Variants in EXOSC7 observed in about 807,000 individuals in gnomAD.
The protein encoded by EXOSC7 is exosome complex component RRP42.
EXOSC7 carries 25 observed loss-of-function variants against 34.3 expected under a neutral mutation model. That is an observed-to-expected ratio of 0.73 (90% CI 0.53 to 1.02). The LOEUF (loss-of-function observed/expected upper bound fraction) is 1.02. Among genes scored for constraint, EXOSC7 ranks in the 50% least tolerant of loss-of-function variants. EXOSC7 has a pLI of 0.00. For missense variants in EXOSC7, 370 were observed against 368.5 expected (o/e 1.00, Z -0.03); for synonymous variants, 130 against 143.0 (o/e 0.91, Z 0.65).
At position 45,007,454 on chromosome 3, in the gene EXOSC7, A is replaced by C. The variant is rs941845719; in HGVS notation, c.650A>C (p.Gln217Pro). 6.2e-7 allele frequency: 1 copy of C among 1,614,160 alleles called. No individual in the cohort carries two copies. The highest frequency in any genetic ancestry group is 1.3e-5 in the African/African-American group (1 of 75,042). Reference sequence around the variant, plus strand: ...CGGCATGTGGTGGATGCTACTCTTCAGGAGGAGGCCTGCTCGCTGGCCAGC... The same window carrying C: ...CGGCATGTGGTGGATGCTACTCTTCCGGAGGAGGCCTGCTCGCTGGCCAGC... Reference protein sequence around the residue: ...GYRHVVDATLQEEACSLASLL... With the variant: ...GYRHVVDATLPEEACSLASLL... The change falls in exon 7 of 8, where the codon CAG becomes CCG. Residue 217 changes from glutamine (Q) to proline (P), a missense_variant. This residue lies in a region of EXOSC7 where 255 missense variants were observed against 246.4 expected (regional missense o/e 1.03). Coordinates refer to ENST00000265564, the MANE Select transcript of EXOSC7 (RefSeq NM_015004.4).
intron 1 of EXOSC7, among the ~76,000 whole-genome samples, chr3:44,978,992 C>T (rs1245845379): frequency 6.6e-6 from 1 of 152,216 alleles, no homozygotes; most frequent in Admixed American, 6.5e-5. Context: ...TTAAATTAAA[C>T]CTCCCTCTCA....
intron 4 of EXOSC7, among the ~76,000 whole-genome samples, 191 bp from the exon 5 acceptor site, chr3:45,001,347 G>T (rs1300513173): frequency 6.6e-6 from 1 of 151,912 alleles, no homozygotes; most frequent in Non-Finnish European, 1.5e-5. Context: ...GGAGGCTGAG[G>T]TGGGAGAATT....
intron 1 of EXOSC7, among the ~76,000 whole-genome samples, chr3:44,982,119 C>A (rs559694480): frequency 6.6e-6 from 1 of 152,300 alleles, no homozygotes; most frequent in East Asian, 1.9e-4. Context: ...TGCCCAATAC[C>A]TTTACTTTCG....
intron 1 of EXOSC7, among the ~76,000 whole-genome samples, chr3:44,986,010 G>C (rs1182885722): frequency 1.3e-5 from 2 of 152,148 alleles, no homozygotes; most frequent in African/African-American, 2.4e-5. Flanking sequence ...TAGACATAGA[G>C]GTTCTCCAAG....
chr3:44,980,660 A>C (rs1706247270), intron 1 of EXOSC7, among the ~76,000 whole-genome samples: 2 of 152,072 alleles, frequency 1.3e-5, no homozygotes, highest in African/African-American at 4.8e-5. Context: ...TGCTTCCTCT[A>C]CCTCCTTTTC....
intron 1 of EXOSC7, among the ~76,000 whole-genome samples, chr3:44,978,417 C>A (rs1282881570): frequency 6.6e-6 from 1 of 152,176 alleles, no homozygotes; most frequent in Non-Finnish European, 1.5e-5. Flanking sequence ...TCTGTATCTT[C>A]AGGACTCAGT....
At chr3:44,994,639 C>G (rs978840762) in intron 3 of EXOSC7, among the ~76,000 whole-genome samples, 4 of 152,098 alleles carry the variant, frequency 2.6e-5, no homozygotes, top group Non-Finnish European at 5.9e-5. Context: ...CAGCCTTTGT[C>G]TTCACACATC....
rs146284876 is a variant in EXOSC7 at position 44,982,096 on chromosome 3, T to A, written c.57+5762T>A. On this transcript the variant is annotated intron_variant, in intron 1 of 7. Transcript: ENST00000265564. Reference sequence around the variant, plus strand: ...CTTGCTGTCCAGCTTCCCTTCTTTGTAGAATCTGCCTCTGCCCAATACCTT... The same window carrying A: ...CTTGCTGTCCAGCTTCCCTTCTTTGAAGAATCTGCCTCTGCCCAATACCTT... Among the ~76,000 whole-genome samples, 17 of 152,312 alleles carry A rather than the reference T, an allele frequency of 1.1e-4. No individual in the cohort carries two copies. The East Asian group carries it at 3.1e-3, about 28-fold the overall frequency.
chr3:44,998,898 A>G (rs965897499), intron 4 of EXOSC7, among the ~76,000 whole-genome samples: 1 of 152,194 alleles, frequency 6.6e-6, no homozygotes, highest in African/African-American at 2.4e-5. Flanking sequence ...GGCAGGCTTC[A>G]TAGTTGCCCA....
intron 4 of EXOSC7, 105 bp downstream of exon 4, chr3:44,997,357 A>G (rs1462497678): frequency 4.8e-6 from 5 of 1,046,116 alleles, no homozygotes; most frequent in Non-Finnish European, 5.5e-6. Context: ...GATGCTTTCA[A>G]CTTATAGGGT....
intron 1 of EXOSC7, among the ~76,000 whole-genome samples, chr3:44,979,806 A>T (rs1706228300): frequency 6.6e-6 from 1 of 152,200 alleles, no homozygotes; most frequent in African/African-American, 2.4e-5. Flanking sequence ...AGGCTCAAAC[A>T]TGGCCACTAG....
At chr3:44,981,071 A>G (rs1482081731) in intron 1 of EXOSC7, among the ~76,000 whole-genome samples, 5 of 152,140 alleles carry the variant, frequency 3.3e-5, no homozygotes, top group Admixed American at 1.3e-4. Context: ...CTCACCTACA[A>G]AATACAGATT....
At chr3:44,981,373 T>G (rs1042864484) in intron 1 of EXOSC7, among the ~76,000 whole-genome samples, 3 of 152,188 alleles carry the variant, frequency 2.0e-5, no homozygotes, top group Non-Finnish European at 4.4e-5. Flanking sequence ...TGGGGACTTA[T>G]GCACCTGGAA....
chr3:45,006,068 CTTTTTTT>C (rs34869939), intron 6 of EXOSC7, among the ~76,000 whole-genome samples: 737 of 47,218 alleles, frequency 0.016, 4 homozygotes, highest in South Asian at 0.022. Flanking sequence ...TGGGTCTTGG[CTTTTTTT>C]TTTTTTTTTT....
At chr3:44,980,695 T>C (rs1398908065) in intron 1 of EXOSC7, among the ~76,000 whole-genome samples, 1 of 152,224 alleles carries the variant, frequency 6.6e-6, no homozygotes, top group East Asian at 1.9e-4. Flanking sequence ...TAAAAGCTTG[T>C]GGGGAAACTG....
chr3:45,010,978 C>G (rs1203051163), intron 7 of EXOSC7, among the ~76,000 whole-genome samples: 1 of 152,126 alleles, frequency 6.6e-6, no homozygotes, highest in Admixed American at 6.5e-5. Flanking sequence ...CTTTGCTGCT[C>G]TCTGTTTGTT....
chr3:45,003,726 C>G lies in EXOSC7; in HGVS notation c.492-1565C>G, dbSNP rs565887695. 3.9e-5 allele frequency among the ~76,000 whole-genome samples: 6 copies of G among 152,308 alleles called. No individual in the cohort carries two copies. In the South Asian group the frequency reaches 1.2e-3, roughly 32 times the overall value. On this transcript the variant is annotated intron_variant, in intron 5 of 7. Transcript: ENST00000265564. ...CTGAAGAAACAGAATGTTGCCAGCA[C>G]CCCAGAAGCATCCCACACCTTCTGT...
downstream of EXOSC7, chr3:45,011,496 C>T: frequency 1.9e-6 from 1 of 534,108 alleles, no homozygotes; most frequent in Non-Finnish European, 3.3e-6. Context: ...TAGAGTTCTT[C>T]AGTTGAAGCC....
intron 5 of EXOSC7, among the ~76,000 whole-genome samples, chr3:45,002,959 C>T (rs1706921158): frequency 6.6e-6 from 1 of 152,208 alleles, no homozygotes. Flanking sequence ...TCTTGAGCCT[C>T]AGAAATGACT....
Sources: gnomAD v4.1 joint callset for allele counts (sites outside exome capture counted in the v4.1 genomes callset) on GRCh38, gnomAD v4.1.1 for gene constraint, gnomAD v4.1.1 regional missense constraint, MANE v1.5 for transcripts, NCBI Gene and HGNC (gene_info 2026-07-23, HGNC 2026-07-21) for gene names.